SLC44A2: variants seen among roughly 807,000 people sequenced by gnomAD.
The protein encoded by SLC44A2 is choline transporter-like protein 2.
A neutral mutation model predicts 90.8 loss-of-function variants in SLC44A2; 57 were observed. That is an observed-to-expected ratio of 0.63 (90% CI 0.51 to 0.78). The LOEUF (loss-of-function observed/expected upper bound fraction) is 0.78, where lower values mean the gene tolerates loss of function less well. Among genes scored for constraint, SLC44A2 ranks in the 30% least tolerant of loss-of-function variants. SLC44A2 has a pLI of 0.00. For missense variants in SLC44A2, 794 were observed against 919.7 expected (o/e 0.86, Z 1.77); for synonymous variants, 355 against 360.7 (o/e 0.98, Z 0.18).
At chr19:10,618,474 CTTTTTTTTTT>C (rs3029799) in intron 1 of SLC44A2, among the ~76,000 whole-genome samples, 5 of 87,362 alleles carry the variant, frequency 5.7e-5, no homozygotes, top group Non-Finnish European at 6.4e-5. Flanking sequence ...TGCGCCCGGC[CTTTTTTTTTT>C]TTTTTTTTTT....
At chr19:10,625,388 A>C, upstream of SLC44A2, 3 of 1,039,278 alleles carry the variant, frequency 2.9e-6, no homozygotes, top group Non-Finnish European at 3.7e-6. Flanking sequence ...GGGGGCGGGG[A>C]AGGCTAAATG....
chr19:10,624,218 G>A (rs866133908), upstream of SLC44A2, among the ~76,000 whole-genome samples: 3 of 151,134 alleles, frequency 2.0e-5, no homozygotes, highest in Non-Finnish European at 4.4e-5. Context: ...GGATGGTCTC[G>A]ATCTCTTGAC....
In SLC44A2 at chr19:10,637,738, C is replaced by T; in HGVS notation, c.1686C>T (p.Ala562=). 1.2e-6 allele frequency: 2 copies of T among 1,613,922 alleles called. No homozygotes were observed. The highest frequency in any genetic ancestry group is 1.7e-6 in the Non-Finnish European group (2 of 1,179,848). Reference sequence around the variant, plus strand: ...TCATCAAATTCCTTAATAGGAATGCCTACATCATGGTGAGTGGGCCTGGGA... The same window carrying T: ...TCATCAAATTCCTTAATAGGAATGCTTACATCATGGTGAGTGGGCCTGGGA... ...EKFIKFLNRN[A]YIMIAIYGTN... The change falls in exon 17 of 22, where the codon GCC becomes GCT. Residue 562 remains alanine, a synonymous_variant. Transcript: ENST00000335757.
At chr19:10,631,605 G>A (rs756220054) in intron 7 of SLC44A2, 21 bp from the exon 8 acceptor site, 53 of 1,613,784 alleles carry the variant, frequency 3.3e-5, no homozygotes, top group African/African-American at 5.3e-5. Flanking sequence ...CCTGACTGGT[G>A]CCATCCTCTG....
chr19:10,643,030 G>C, intron 21 of SLC44A2: 2 of 1,521,522 alleles, frequency 1.3e-6, no homozygotes, highest in Non-Finnish European at 1.8e-6. Context: ...GAGTGAGGGA[G>C]ACTGGCGTGG....
chr19:10,636,749 G>C lies in SLC44A2; in HGVS notation c.1584G>C (p.Arg528=), dbSNP rs114628045. Residue 528 remains arginine (R), a synonymous_variant, in exon 16 of 22, where the codon CGG becomes CGC. Transcript: ENST00000335757. The stretch of plus-strand genomic sequence containing the variant: ...TGATACTCGAGTACCTGGATCAGCG[G>C]CTGAAAGGTACGTCCCACCCACGGT... The part of the protein sequence containing the change: ...IRVILEYLDQ[R]LKAAENKFAK... The C allele has an allele frequency of 3.1e-6, 5 of 1,613,460 alleles. No individual in the cohort carries two copies. Among genetic ancestry groups the C allele is most frequent in the Non-Finnish European group, 4.2e-6 (5 of 1,179,678 alleles).
In SLC44A2 at chr19:10,626,319, TG is replaced by T. The variant is rs3214615; in HGVS notation, c.86+24del. The T allele has an allele frequency of 1.6e-3, 2,487 of 1,597,290 alleles. 66 individuals carry two copies. The East Asian group carries it at 0.052, about 33-fold the overall frequency. On this transcript the variant is annotated intron_variant, in intron 2 of 21. Transcript: ENST00000335757. ...TACAATAGGTAAGAGCTCTGGGTTT[TG>T]GGGGGTTCTCCCCGCTAATACTACC...
chr19:10,639,447 G>A (rs947493085), intron 20 of SLC44A2, among the ~76,000 whole-genome samples: 2 of 148,986 alleles, frequency 1.3e-5, no homozygotes, highest in Admixed American at 1.3e-4. Flanking sequence ...TGTGGGGGGG[G>A]TCCAGGTGGT....
chr19:10,625,204 A>G (rs1286717434), upstream of SLC44A2: 3 of 178,506 alleles, frequency 1.7e-5, no homozygotes, highest in Admixed American at 1.9e-4. Context: ...CAGCACCAAC[A>G]TTCCACAGTT....
chr19:10,625,799 TC>T, intron 1 of SLC44A2, 129 bp downstream of exon 1: 3 of 807,364 alleles, frequency 3.7e-6, no homozygotes, highest in Non-Finnish European at 3.4e-6. Context: ...GCCTGGAGCC[TC>T]CCCACCATCA....
intron 1 of SLC44A2, among the ~76,000 whole-genome samples, chr19:10,619,676 G>A (rs12979469): frequency 0.76 from 115,067 of 152,010 alleles, 43,646 homozygotes; most frequent in African/African-American, 0.79. Flanking sequence ...AATCTCCGCC[G>A]GACGCAGTGG....
chr19:10,636,656 C>G lies in SLC44A2; in HGVS notation c.1497-6C>G, dbSNP rs1427467986. 1 of 1,612,104 alleles carries G rather than the reference C, an allele frequency of 6.2e-7. No homozygotes were observed. Among genetic ancestry groups the G allele is most frequent in the East Asian group, 2.2e-5 (1 of 44,820 alleles). On this transcript the variant is annotated splice_polypyrimidine_tract_variant and splice_region_variant and intron_variant, in intron 15 of 21. Coordinates refer to ENST00000335757, the MANE Select transcript of SLC44A2 (RefSeq NM_020428.4). The stretch of plus-strand genomic sequence containing the variant: ...CCCAGCCACCGACCACTCCCTCGGC[C>G]CGCAGGTACCACACAGGCTCCCTGG...
intron 1 of SLC44A2, among the ~76,000 whole-genome samples, chr19:10,610,631 C>CTTTTTTTTTTT (rs56002726): frequency 2.1e-5 from 1 of 48,014 alleles, no homozygotes; most frequent in African/African-American, 9.2e-5. Context: ...CCGCGCCTGG[C>CTTTTTTTTTTT]TTTTTTTTTT....
At chr19:10,615,090 A>G (rs1311330258) in intron 1 of SLC44A2, among the ~76,000 whole-genome samples, 1 of 150,776 alleles carries the variant, frequency 6.6e-6, no homozygotes, top group African/African-American at 2.4e-5. Context: ...AAATGTAAGG[A>G]AAAGAAAATA....
rs1227062190 is a variant in SLC44A2 at position 10,602,605 on chromosome 19, G to T, written c.31+44G>T. The stretch of plus-strand genomic sequence containing the variant: ...CAGGGGCCGCCTCTGCTGACCTGCG[G>T]GTGGGAGGACCTTGAGCCAGGGGGA... On this transcript the variant is annotated intron_variant, in intron 1 of 21. Transcript: ENST00000407327. The T allele has an allele frequency of 4.0e-6, 5 of 1,249,202 alleles. No individual in the cohort carries two copies. The East Asian group carries it at 1.6e-4, about 40-fold the overall frequency. 77.4% of individuals were successfully genotyped at this position (1,249,202 alleles called of 1,614,324 possible).
intron 4 of SLC44A2, among the ~76,000 whole-genome samples, chr19:10,628,311 A>G (rs1265574989): frequency 6.6e-6 from 1 of 152,188 alleles, no homozygotes; most frequent in Non-Finnish European, 1.5e-5. Context: ...CTTGAACCAC[A>G]GGAGGCAGAA....
chr19:10,625,503 C>A (rs2066922551), upstream of SLC44A2: 4 of 1,222,794 alleles, frequency 3.3e-6, no homozygotes, highest in Non-Finnish European at 4.1e-6. Context: ...CCGGTTTGGG[C>A]CGCCCCGCCT....
Position 10,638,330 on chromosome 19 carries a change from G to C in SLC44A2, c.1929+15G>C. 6.2e-7 allele frequency: 1 copy of C among 1,609,766 alleles called. No homozygotes were observed. The highest frequency in any genetic ancestry group is 2.2e-5 in the East Asian group (1 of 44,864). On this transcript the variant is annotated intron_variant, in intron 20 of 21. Coordinates refer to ENST00000335757, the MANE Select transcript of SLC44A2 (RefSeq NM_020428.4). ...TTCCTATACTGGTATGGACCTCTGG[G>C]GAGAGATGGGGGTTTGGGAAGAAAG...
intron 1 of SLC44A2, among the ~76,000 whole-genome samples, chr19:10,604,898 AG>A (rs140988799): frequency 0.022 from 3,282 of 152,240 alleles, 106 homozygotes; most frequent in East Asian, 0.095. Context: ...AAAGGAAGGC[AG>A]CAGTTCCAAG....
Sources: gnomAD v4.1 joint callset for allele counts (sites outside exome capture counted in the v4.1 genomes callset) on GRCh38, gnomAD v4.1.1 for gene constraint, MANE v1.5 for transcripts, NCBI Gene and HGNC (gene_info 2026-07-23, HGNC 2026-07-21) for gene names.